The following SPTBN2 variants were observed in gnomAD, a reference collection of about 807,000 sequenced individuals.
SPTBN2 encodes the protein spectrin beta chain, non-erythrocytic 2.
Under a neutral mutation model 284.2 loss-of-function variants are expected in SPTBN2, and 107 were observed. That is an observed-to-expected ratio of 0.38 (90% CI 0.32 to 0.44). The LOEUF is 0.44. Ranked by LOEUF, SPTBN2 falls within the 20% of genes least tolerant of loss-of-function variation. The probability of loss-of-function intolerance (pLI) is 1.00; values close to 1 mark genes in which losing one functional copy is unlikely to be tolerated. For missense variants in SPTBN2, 2,569 were observed against 3,287.1 expected (o/e 0.78, Z 5.34); for synonymous variants, 1,289 against 1,354.8 (o/e 0.95, Z 1.07).
chr11:66,692,012 T>A (rs1940588450), intron 26 of SPTBN2, among the ~76,000 whole-genome samples: 1 of 152,132 alleles, frequency 6.6e-6, no homozygotes, highest in African/African-American at 2.4e-5. Flanking sequence ...TTGAAAAGTG[T>A]GAGTGATAAT....
chr11:66,735,012 T>A (rs186750839), intron 1 of SPTBN2, among the ~76,000 whole-genome samples: 89 of 152,298 alleles, frequency 5.8e-4, no homozygotes, highest in Admixed American at 1.5e-3. Context: ...TTCTTCACTT[T>A]GGAACCCTTT....
At chr11:66,743,593 C>T (rs1039152281) in intron 1 of SPTBN2, among the ~76,000 whole-genome samples, 1 of 152,172 alleles carries the variant, frequency 6.6e-6, no homozygotes, top group Non-Finnish European at 1.5e-5. Context: ...ATGCCCCTCC[C>T]GGAACCTGGC....
At chr11:66,713,839 G>T in intron 7 of SPTBN2, 93 bp from the exon 8 acceptor site, 3 of 1,160,186 alleles carry the variant, frequency 2.6e-6, no homozygotes, top group South Asian at 1.2e-5. Context: ...CTAAGTCACC[G>T]ACCCAATTTT....
In SPTBN2 at chr11:66,721,106, C is replaced by T. The variant is rs1179041088; in HGVS notation, c.135G>A (p.Arg45=). Residue 45 remains arginine, a synonymous_variant, in exon 3 of 38, where the codon AGG becomes AGA. Transcript: ENST00000533211. The stretch of plus-strand genomic sequence containing the variant: ...CACCTGCCAGAGCCTTAATGCGAGA[C>T]CTCTCAAAGAGGCGGGCCGAGCTGC... The part of the protein sequence containing the change: ...NDSSSARLFE[R]SRIKALADER... 6.2e-7 allele frequency: 1 copy of T among 1,614,106 alleles called. No individual in the cohort carries two copies. Among genetic ancestry groups the T allele is most frequent in the African/African-American group, 1.3e-5 (1 of 74,930 alleles).
intron 3 of SPTBN2, among the ~76,000 whole-genome samples, chr11:66,720,358 T>C (rs539796189): frequency 1.7e-3 from 256 of 152,246 alleles, no homozygotes; most frequent in Non-Finnish European, 2.9e-3. Flanking sequence ...TTGGGGTGTG[T>C]GGGTGAGTCA....
Position 66,690,119 on chromosome 11 carries a change from GA to G in SPTBN2, c.5729del (p.Phe1910SerfsTer10). The G allele has an allele frequency of 6.2e-7, 1 of 1,614,250 alleles. No homozygotes were observed. Among genetic ancestry groups the G allele is most frequent in the Non-Finnish European group, 8.5e-7 (1 of 1,180,056 alleles). ...RQLLLDTTDK[F>X]RFFKAVRELM... ...GTTCCCGGACAGCCTTGAAGAAGCG[GA>G]ACTTGTCTGTGGTGTCCAGCAGCAG... On this transcript the variant is annotated frameshift_variant, in exon 28 of 38. Transcript: ENST00000533211. LOFTEE classifies it high-confidence loss of function.
rs142742357 is a variant in SPTBN2 at position 66,742,389 on chromosome 11, C to A, written c.-475+2153G>T. Among the ~76,000 whole-genome samples the A allele has an allele frequency of 2.5e-4, 38 of 152,228 alleles. No homozygotes were observed. The East Asian group carries it at 7.1e-3, about 29-fold the overall frequency. ...TTCTCCCTATGTCCAGTAGGGAGGA[C>A]AGCTGTGTCCCTGGCTACCTTTGAG... On this transcript the variant is annotated intron_variant, in intron 1 of 37. Coordinates refer to the SPTBN2 transcript ENST00000611817.
At chr11:66,725,495 C>A (rs1942582825) in intron 1 of SPTBN2, among the ~76,000 whole-genome samples, 1 of 152,202 alleles carries the variant, frequency 6.6e-6, no homozygotes, top group South Asian at 2.1e-4. Context: ...CCAGGGTCTC[C>A]ATGCTCACAT....
At chr11:66,701,441 T>C (rs962495774) in intron 16 of SPTBN2, 143 bp downstream of exon 16, 8 of 1,520,276 alleles carry the variant, frequency 5.3e-6, no homozygotes, top group Non-Finnish European at 5.4e-6. Context: ...TCTTTCATCC[T>C]TTTTCCTTCC....
At chr11:66,690,899 C>T (rs1940499355) in intron 27 of SPTBN2, among the ~76,000 whole-genome samples, 1 of 152,160 alleles carries the variant, frequency 6.6e-6, no homozygotes, top group Admixed American at 6.5e-5. Flanking sequence ...CTCACTGCAA[C>T]CTCCGCCTCC....
intron 30 of SPTBN2, 29 bp downstream of exon 30, chr11:66,689,067 C>G (rs757758463): frequency 6.3e-7 from 1 of 1,589,288 alleles, no homozygotes; most frequent in East Asian, 2.3e-5. Flanking sequence ...CCACTCCCCA[C>G]AGGGCCTGGG....
chr11:66,686,961 TC>T, intron 36 of SPTBN2, 32 bp downstream of exon 36: 1 of 1,612,840 alleles, frequency 6.2e-7, no homozygotes, highest in Non-Finnish European at 8.5e-7. Flanking sequence ...CCAACTCTCC[TC>T]CCATCCCGAG....
In SPTBN2 at chr11:66,707,895, C is replaced by A; in HGVS notation, c.1351-77G>T. 6.5e-7 allele frequency: 1 copy of A among 1,545,026 alleles called. No individual in the cohort carries two copies. Among genetic ancestry groups the A allele is most frequent in the Non-Finnish European group, 8.8e-7 (1 of 1,139,506 alleles). ...GCCTGCTCCTCTGTCCTGCAGGGCA[C>A]TTGGCCTGCAAGATCCCAGCTCCAT... On this transcript the variant is annotated intron_variant, in intron 12 of 37. Coordinates refer to ENST00000533211, the MANE Select transcript of SPTBN2 (RefSeq NM_006946.4). This position sits in a 1 kb window ranked among gnomAD's most constrained non-coding sequence, Gnocchi z 4.9.
upstream of SPTBN2, among the ~76,000 whole-genome samples, chr11:66,731,987 A>G (rs1465527805): frequency 6.6e-6 from 1 of 152,248 alleles, no homozygotes; most frequent in Admixed American, 6.5e-5. Flanking sequence ...GGATGTTAAG[A>G]GAGAACTGAA....
At position 66,705,746 on chromosome 11, in the gene SPTBN2, A is replaced by ACGG. The variant is rs1479691987; in HGVS notation, c.1742_1744dup (p.Ala581dup). The ACGG allele has an allele frequency of 6.2e-7, 1 of 1,612,520 alleles. No homozygotes were observed. The highest frequency in any genetic ancestry group is 8.5e-7 in the Non-Finnish European group (1 of 1,179,970). ...GACGGCCCGCACCCTCTCGGCCTGC[A>ACGG]CGGCGATGTCTGCCTCCACCAGCTC... On this transcript the variant is annotated inframe_insertion, in exon 14 of 38. Transcript: ENST00000533211.
upstream of SPTBN2, among the ~76,000 whole-genome samples, chr11:66,733,094 C>T (rs1368028511): frequency 6.6e-6 from 1 of 151,596 alleles, no homozygotes; most frequent in Non-Finnish European, 1.5e-5. Flanking sequence ...TAGGCAAGGG[C>T]TAGATCATGC....
chr11:66,707,909 T>C lies in SPTBN2; in HGVS notation c.1351-91A>G. ...CCTGCAGGGCACTTGGCCTGCAAGA[T>C]CCCAGCTCCATGCGGTGGCTCTAAG... On this transcript the variant is annotated intron_variant, in intron 12 of 37. Transcript: ENST00000533211. The surrounding 1 kb of genome is among the most constrained non-coding windows in gnomAD (Gnocchi z 4.9). 1 of 1,519,226 alleles carries C rather than the reference T, an allele frequency of 6.6e-7. No homozygotes were observed. The highest frequency in any genetic ancestry group is 1.2e-5 in the South Asian group (1 of 84,412). 94.1% of individuals were successfully genotyped at this position (1,519,226 alleles called of 1,614,324 possible).
At position 66,693,187 on chromosome 11, in the gene SPTBN2, T is replaced by C; in HGVS notation, c.4853A>G (p.Lys1618Arg). 6.2e-7 allele frequency: 1 copy of C among 1,614,242 alleles called. No homozygotes were observed. Among genetic ancestry groups the C allele is most frequent in the Non-Finnish European group, 8.5e-7 (1 of 1,180,034 alleles). The stretch of plus-strand genomic sequence containing the variant: ...ACTGGGCTCTGTCCTGGCCCTCACC[T>C]TGGCCTTCTCCTGGCCCATCATGTG... ...ELHMMGQEKA[K>R]DELSAQAEVK... The change falls in exon 24 of 38, where the codon AAG becomes AGG. Residue 1618 changes from lysine to arginine, a missense_variant and splice_region_variant. Lys to Arg is a conservative substitution (Grantham distance 26). Around this residue, in one of 6 missense-constraint regions of SPTBN2, gnomAD observed 1,130 missense variants for 1,317.3 expected, o/e 0.86. Transcript: ENST00000533211. The surrounding 1 kb of genome is among the most constrained non-coding windows in gnomAD (Gnocchi z 5.7).
At chr11:66,723,280 G>A (rs1942501974) in intron 1 of SPTBN2, among the ~76,000 whole-genome samples, 2 of 152,010 alleles carry the variant, frequency 1.3e-5, no homozygotes, top group Admixed American at 6.6e-5. Flanking sequence ...AGGAGGAGGG[G>A]ACTGGGTCTG....
Sources: allele counts gnomAD v4.1 joint callset (sites outside exome capture counted in the v4.1 genomes callset), GRCh38; gene constraint gnomAD v4.1.1; regional missense constraint gnomAD v4.1.1; non-coding constraint Gnocchi (gnomAD v3.1); transcripts MANE v1.5; gene names NCBI Gene and HGNC (gene_info 2026-07-23, HGNC 2026-07-21).